Variants in PHC2 observed in about 807,000 individuals in gnomAD.
PHC2 encodes polyhomeotic homolog 2.
A neutral mutation model predicts 87.4 loss-of-function variants in PHC2; 29 were observed. The observed-to-expected ratio is 0.33, with a 90% CI of 0.25 to 0.45. PHC2 has a LOEUF of 0.45. Ranked by LOEUF, PHC2 falls within the 20% of genes least tolerant of loss-of-function variation. The pLI is 1.00. For synonymous variants in PHC2, 438 were observed against 461.7 expected, an observed-to-expected ratio of 0.95 and a Z score of 0.66; for missense variants, 857 against 1,136.7, an observed-to-expected ratio of 0.75 and a Z score of 3.54.
intron 1 of PHC2, among the ~76,000 whole-genome samples, chr1:33,381,938 G>T (rs1482085527): frequency 6.6e-6 from 1 of 151,992 alleles, no homozygotes; most frequent in Non-Finnish European, 1.5e-5. Context: ...GTGACTTGGG[G>T]TGATATGGCT....
Position 33,349,177 on chromosome 1 carries a change from C to G in PHC2, c.1558+5224G>C. ...ACTGAACTAGATTAAAAACAAAACT[C>G]TCCAGCGAAGCCGCAGGCGCCTCCA... On this transcript the variant is annotated intron_variant, in intron 9 of 14. Coordinates refer to ENST00000683057, the MANE Select transcript of PHC2 (RefSeq NM_001385109.1). This position sits in a 1 kb window ranked among gnomAD's most constrained non-coding sequence, Gnocchi z 4.2. The G allele has an allele frequency of 1.0e-6, 1 of 985,478 alleles. No homozygotes were observed. Among genetic ancestry groups the G allele is most frequent in the Non-Finnish European group, 1.2e-6 (1 of 829,948 alleles). The allele number at this position is 985,478 out of a possible 1,614,324, so 61.0% of individuals were successfully genotyped here.
In PHC2 at chr1:33,369,173, A is replaced by C. The variant is rs1647668041; in HGVS notation, c.577-551T>G. 1.3e-5 allele frequency among the ~76,000 whole-genome samples: 2 copies of C among 152,214 alleles called. No individual in the cohort carries two copies. The highest frequency in any genetic ancestry group is 6.5e-5 in the Admixed American group (1 of 15,294). On this transcript the variant is annotated intron_variant, in intron 5 of 14. Coordinates refer to ENST00000683057, the MANE Select transcript of PHC2 (RefSeq NM_001385109.1). The surrounding 1 kb of genome is among the most constrained non-coding windows in gnomAD (Gnocchi z 4.7). ...AGAGGGGCCTAGAGACAACAACAGC[A>C]GAGGAAGCGGACCGCCTGGAGCCGT...
At chr1:33,381,381 T>A (rs540991698) in intron 1 of PHC2, among the ~76,000 whole-genome samples, 13 of 152,278 alleles carry the variant, frequency 8.5e-5, no homozygotes, top group Non-Finnish European at 1.6e-4. Flanking sequence ...CATCCACAAA[T>A]TTCTCACCAA....
At position 33,349,819 on chromosome 1, in the gene PHC2, G is replaced by A. The variant is rs1319272388; in HGVS notation, c.1558+4582C>T. The A allele has an allele frequency of 1.1e-5, 11 of 976,352 alleles. No homozygotes were observed. Among genetic ancestry groups the A allele is most frequent in the East Asian group, 1.2e-4 (1 of 8,650 alleles). 60.5% of individuals were successfully genotyped at this position (976,352 alleles called of 1,614,324 possible). A position where few individuals can be genotyped will look rare whatever the true frequency, so the allele number is the denominator to read the frequency against. ...GCCGGGACGGGGGCGCGAGGCCGGG[G>A]CGGGAGCGCGGGCGGCGGCCGGGGT... On this transcript the variant is annotated intron_variant, in intron 9 of 14. Coordinates refer to ENST00000683057, the MANE Select transcript of PHC2 (RefSeq NM_001385109.1). The surrounding 1 kb of genome is among the most constrained non-coding windows in gnomAD (Gnocchi z 4.2).
chr1:33,376,552 C>T (rs1570498533), intron 1 of PHC2, among the ~76,000 whole-genome samples: 1 of 152,218 alleles, frequency 6.6e-6, no homozygotes, highest in Non-Finnish European at 1.5e-5. Flanking sequence ...GCCTTTTCAT[C>T]GTTGGGGTGG....
At chr1:33,352,379 GT>G (rs1011043647) in intron 9 of PHC2, among the ~76,000 whole-genome samples, 1 of 152,092 alleles carries the variant, frequency 6.6e-6, no homozygotes, top group Non-Finnish European at 1.5e-5. Context: ...CCCACCACTT[GT>G]TTTTTTCTAT....
chr1:33,352,770 A>C (rs769985524), intron 9 of PHC2, among the ~76,000 whole-genome samples: 16 of 152,198 alleles, frequency 1.1e-4, no homozygotes, highest in Non-Finnish European at 1.9e-4. Flanking sequence ...CACGGGGGCC[A>C]TTCGTGCACC....
At chr1:33,325,475 G>GT (rs1191383855) in intron 14 of PHC2, 3 of 193,072 alleles carry the variant, frequency 1.6e-5, no homozygotes, top group African/African-American at 7.1e-5. Flanking sequence ...CCTCCTTGCC[G>GT]TGTGAGTGAA....
At position 33,349,639 on chromosome 1, in the gene PHC2, A is replaced by G. The variant is rs1646920882; in HGVS notation, c.1558+4762T>C. ...GGGCCTGGCCGGGCGGGGCCTACGC[A>G]GCCCCTCGGCCGGGCGCCGACTCGC... On this transcript the variant is annotated intron_variant, in intron 9 of 14. Coordinates refer to ENST00000683057, the MANE Select transcript of PHC2 (RefSeq NM_001385109.1). This position sits in a 1 kb window ranked among gnomAD's most constrained non-coding sequence, Gnocchi z 4.2. 1 of 982,752 alleles carries G rather than the reference A, an allele frequency of 1.0e-6. No homozygotes were observed. The highest frequency in any genetic ancestry group is 1.2e-6 in the Non-Finnish European group (1 of 829,138). The allele number at this position is 982,752 out of a possible 1,614,324, so 60.9% of individuals were successfully genotyped here.
chr1:33,424,798 TAAGC>T (rs1400105216), intron 1 of PHC2, among the ~76,000 whole-genome samples: 13 of 152,138 alleles, frequency 8.5e-5, no homozygotes, highest in African/African-American at 3.1e-4. Context: ...TAGTTCTGAG[TAAGC>T]AAGGAGTCAG....
intron 1 of PHC2, among the ~76,000 whole-genome samples, chr1:33,421,132 G>A (rs909157488): frequency 6.8e-6 from 1 of 146,238 alleles, no homozygotes; most frequent in African/African-American, 2.5e-5. Flanking sequence ...GAGAAATGTT[G>A]TCTTATCTTC....
intron 1 of PHC2, among the ~76,000 whole-genome samples, chr1:33,390,594 C>T (rs954616758): frequency 2.6e-5 from 4 of 151,954 alleles, no homozygotes; most frequent in South Asian, 2.1e-4. Context: ...GAATGCAATA[C>T]AAACATGACT....
rs137873572 is a variant in PHC2 at position 33,338,985 on chromosome 1, A to G, written c.1559-4693T>C. Among the ~76,000 whole-genome samples the G allele has an allele frequency of 2.0e-3, 311 of 152,312 alleles. 2 individuals are homozygous for G. The highest frequency in any genetic ancestry group is 6.9e-3 in the African/African-American group (285 of 41,552). ...CATGTTCCACGGAGTCTTGCCTAACATATGTCTCAACTTCTAGGCTGTTTC... is the reference window on the plus strand; with the variant it reads ...CATGTTCCACGGAGTCTTGCCTAACGTATGTCTCAACTTCTAGGCTGTTTC... On this transcript the variant is annotated intron_variant, in intron 9 of 14. Coordinates refer to ENST00000683057, the MANE Select transcript of PHC2 (RefSeq NM_001385109.1).
At chr1:33,363,421 CA>C (rs1441955608) in intron 7 of PHC2, among the ~76,000 whole-genome samples, 6 of 152,200 alleles carry the variant, frequency 3.9e-5, no homozygotes, top group Non-Finnish European at 8.8e-5. Flanking sequence ...AGTGTGCTTG[CA>C]GTTTGGAGGC....
intron 1 of PHC2, among the ~76,000 whole-genome samples, chr1:33,391,880 T>C (rs1649069163): frequency 6.6e-6 from 1 of 152,098 alleles, no homozygotes. Context: ...TTGGCTGGGA[T>C]TGTAGCAAGC....
chr1:33,426,059 C>A (rs1650655657), intron 1 of PHC2, among the ~76,000 whole-genome samples: 1 of 152,072 alleles, frequency 6.6e-6, no homozygotes, highest in South Asian at 2.1e-4. Context: ...CTCAGAGAGA[C>A]CAGAAGTGAG....
chr1:33,359,957 T>C (rs1647164701), intron 7 of PHC2, among the ~76,000 whole-genome samples: 1 of 152,202 alleles, frequency 6.6e-6, no homozygotes, highest in Non-Finnish European at 1.5e-5. Flanking sequence ...AGGGGCTGCT[T>C]ATCCCTAAAG....
At chr1:33,375,627 C>A in intron 1 of PHC2, 34 bp from the exon 2 acceptor site, 1 of 1,291,722 alleles carries the variant, frequency 7.7e-7, no homozygotes, top group Non-Finnish European at 1.0e-6. Context: ...AATGTTTTGA[C>A]AGACGCTTAC....
chr1:33,356,738 C>T (rs1187693249), intron 7 of PHC2, among the ~76,000 whole-genome samples: 1 of 152,226 alleles, frequency 6.6e-6, no homozygotes. Context: ...CTTTTCCCCA[C>T]ATTTCCCCCT....
Sources: gnomAD v4.1 joint callset for allele counts (sites outside exome capture counted in the v4.1 genomes callset) on GRCh38, gnomAD v4.1.1 for gene constraint, Gnocchi (gnomAD v3.1) non-coding constraint, MANE v1.5 for transcripts, NCBI Gene and HGNC (gene_info 2026-07-23, HGNC 2026-07-21) for gene names.